The following PPP1R3A variants were observed in gnomAD, a reference collection of about 807,000 sequenced individuals.
The protein encoded by PPP1R3A is protein phosphatase 1 regulatory subunit 3A.
PPP1R3A carries 29 observed loss-of-function variants against 41.7 expected under a neutral mutation model. That is an observed-to-expected ratio of 0.70 (90% CI 0.52 to 0.95). The LOEUF (loss-of-function observed/expected upper bound fraction) is 0.95. Among genes scored for constraint, PPP1R3A ranks in the 40% least tolerant of loss-of-function variants. PPP1R3A has a pLI of 0.00. For synonymous variants in PPP1R3A, 485 were observed against 453.4 expected, an observed-to-expected ratio of 1.07 and a Z score of -0.89; for missense variants, 1,352 against 1,292.4, an observed-to-expected ratio of 1.05 and a Z score of -0.71.
intron 1 of PPP1R3A, among the ~76,000 whole-genome samples, chr7:113,891,442 T>G (rs1796887103): frequency 6.6e-6 from 1 of 152,088 alleles, no homozygotes; most frequent in African/African-American, 2.4e-5. Context: ...ATCTTTAATA[T>G]TCAAGGTACT....
intron 1 of PPP1R3A, among the ~76,000 whole-genome samples, chr7:113,900,825 A>G (rs575218397): frequency 3.3e-4 from 50 of 149,934 alleles, no homozygotes; most frequent in African/African-American, 1.2e-3. Context: ...ATTTTATAAA[A>G]AATATTTCTT....
chr7:113,882,796 T>A (rs950220621), intron 1 of PPP1R3A, among the ~76,000 whole-genome samples: 1 of 152,012 alleles, frequency 6.6e-6, no homozygotes, highest in Admixed American at 6.6e-5. Context: ...TTCTTCCAGT[T>A]GGACTAACAT....
intron 1 of PPP1R3A, among the ~76,000 whole-genome samples, chr7:113,892,250 G>A (rs1584411868): frequency 6.6e-6 from 1 of 152,096 alleles, no homozygotes; most frequent in Non-Finnish European, 1.5e-5. Context: ...AGAAATATGA[G>A]CCTCCTTTGA....
intron 1 of PPP1R3A, among the ~76,000 whole-genome samples, chr7:113,888,211 G>C (rs977240460): frequency 3.3e-5 from 5 of 152,086 alleles, no homozygotes; most frequent in African/African-American, 9.7e-5. Context: ...TTTTTAACCA[G>C]TGGCATGGGG....
In PPP1R3A at chr7:113,879,137, T is replaced by G; in HGVS notation, c.1955A>C (p.His652Pro). ...TTCCAGAACATTCCAACTTTGTTTATGCTGTGGGCTATTATCCTGATCTTC... is the reference window on the plus strand; with the variant it reads ...TTCCAGAACATTCCAACTTTGTTTAGGCTGTGGGCTATTATCCTGATCTTC... ...NSEDQDNSPQHKQSWNVLESQ... is the reference protein window; with the variant it reads ...NSEDQDNSPQPKQSWNVLESQ... The change falls in exon 4 of 4, where the codon CAT (histidine) becomes CCT (proline). Residue 652 changes from histidine to proline, a missense_variant. Physicochemically the swap from His to Pro is moderately conservative, Grantham distance 77. Transcript: ENST00000284601. 1.2e-6 allele frequency: 2 copies of G among 1,613,814 alleles called. No individual in the cohort carries two copies. The highest frequency in any genetic ancestry group is 2.2e-5 in the South Asian group (2 of 91,080).
In PPP1R3A at chr7:113,877,693, A is replaced by G; in HGVS notation, c.*30T>C. ...CCAAATGTTTGGGGTTAAATAGCTT[A>G]TCTTTTAAGAGAGAATAGTAGTGCT... On this transcript the variant is annotated 3_prime_UTR_variant, in exon 4 of 4. Transcript: ENST00000284601. 6.6e-7 allele frequency: 1 copy of G among 1,516,510 alleles called. No homozygotes were observed. Among genetic ancestry groups the G allele is most frequent in the Non-Finnish European group, 8.8e-7 (1 of 1,134,560 alleles). 93.9% of individuals were successfully genotyped at this position (1,516,510 alleles called of 1,614,324 possible).
chr7:113,887,051 C>T (rs1162249816), intron 1 of PPP1R3A, among the ~76,000 whole-genome samples: 1 of 152,080 alleles, frequency 6.6e-6, no homozygotes, highest in Non-Finnish European at 1.5e-5. Flanking sequence ...CTTCTCCTCT[C>T]TACCTTTTGC....
chr7:113,915,370 A>T (rs1489647681), intron 1 of PPP1R3A, among the ~76,000 whole-genome samples: 2 of 152,034 alleles, frequency 1.3e-5, no homozygotes, highest in African/African-American at 4.8e-5. Flanking sequence ...TTCAGAAGAT[A>T]CAATCTCAGG....
intron 1 of PPP1R3A, among the ~76,000 whole-genome samples, chr7:113,914,875 G>A (rs556938526): frequency 6.6e-6 from 1 of 152,160 alleles, no homozygotes; most frequent in East Asian, 1.9e-4. Context: ...TAACTTTGAA[G>A]CCTAAAATCC....
intron 1 of PPP1R3A, among the ~76,000 whole-genome samples, chr7:113,886,472 T>A (rs1182759899): frequency 3.3e-5 from 5 of 152,176 alleles, no homozygotes; most frequent in Non-Finnish European, 5.9e-5. Flanking sequence ...TCACCAGCCA[T>A]GTGGAACTGT....
At chr7:113,894,917 A>G (rs774057035) in intron 1 of PPP1R3A, among the ~76,000 whole-genome samples, 1 of 151,984 alleles carries the variant, frequency 6.6e-6, no homozygotes, top group South Asian at 2.1e-4. Flanking sequence ...TTCTCAGTAT[A>G]TGTTTGGAAG....
At chr7:113,882,956 T>C (rs1796719399) in intron 1 of PPP1R3A, among the ~76,000 whole-genome samples, 1 of 152,070 alleles carries the variant, frequency 6.6e-6, no homozygotes, top group Admixed American at 6.6e-5. Context: ...AGCAAGACTT[T>C]GGATCATTTA....
chr7:113,877,581 C>T lies in PPP1R3A; in HGVS notation c.*142G>A. 1 of 949,208 alleles carries T rather than the reference C, an allele frequency of 1.1e-6. No individual in the cohort carries two copies. The highest frequency in any genetic ancestry group is 1.5e-6 in the Non-Finnish European group (1 of 645,404). The allele number at this position is 949,208 out of a possible 1,614,324, so 58.8% of individuals were successfully genotyped here. On this transcript the variant is annotated 3_prime_UTR_variant, in exon 4 of 4. Coordinates refer to ENST00000284601, the MANE Select transcript of PPP1R3A (RefSeq NM_002711.4). ...TAGAATAATTACTTATATGAAGGAGCAAACTTATTCGCGTCCCTTTTTAAA... is the reference window on the plus strand; with the variant it reads ...TAGAATAATTACTTATATGAAGGAGTAAACTTATTCGCGTCCCTTTTTAAA...
At chr7:113,911,638 G>T (rs1475895855) in intron 1 of PPP1R3A, among the ~76,000 whole-genome samples, 1 of 151,932 alleles carries the variant, frequency 6.6e-6, no homozygotes, top group South Asian at 2.1e-4. Context: ...CTTTTTTTGT[G>T]TGTGACCCAG....
At chr7:113,886,980 A>G (rs1796794954) in intron 1 of PPP1R3A, among the ~76,000 whole-genome samples, 1 of 152,140 alleles carries the variant, frequency 6.6e-6, no homozygotes, top group African/African-American at 2.4e-5. Context: ...TGCCTGACAT[A>G]TAATAGTGGC....
chr7:113,914,963 T>C (rs1479563928), intron 1 of PPP1R3A, among the ~76,000 whole-genome samples: 1 of 152,116 alleles, frequency 6.6e-6, no homozygotes, highest in Non-Finnish European at 1.5e-5. Flanking sequence ...TATATCAATG[T>C]CATTTTTGTC....
chr7:113,904,739 C>A lies in PPP1R3A; in HGVS notation c.782+13476G>T, dbSNP rs540752293. The stretch of plus-strand genomic sequence containing the variant: ...GTCAGCAAAATTATACAAAGGGTTT[C>A]AAAAATTTATTTCTTCAGGAGTCAC... On this transcript the variant is annotated intron_variant, in intron 1 of 3. Coordinates refer to ENST00000284601, the MANE Select transcript of PPP1R3A (RefSeq NM_002711.4). 2.8e-4 allele frequency among the ~76,000 whole-genome samples: 43 copies of A among 151,516 alleles called. No individual in the cohort carries two copies. In the East Asian group the frequency reaches 8.0e-3, roughly 28 times the overall value.
At position 113,878,202 on chromosome 7, in the gene PPP1R3A, C is replaced by T. The variant is rs1016207297; in HGVS notation, c.2890G>A (p.Glu964Lys). 1 of 1,613,288 alleles carries T rather than the reference C, an allele frequency of 6.2e-7. No homozygotes were observed. Among genetic ancestry groups the T allele is most frequent in the Non-Finnish European group, 8.5e-7 (1 of 1,179,634 alleles). Reference protein sequence around the residue: ...CNSTREIQGIEKHPYPESKPE... With the variant: ...CNSTREIQGIKKHPYPESKPE... ...TTAGACTCAGGATAAGGGTGCTTCT[C>T]AATACCCTGGATTTCTCTTGTTGAA... is the stretch of plus-strand genomic sequence containing the variant. The change falls in exon 4 of 4, where the codon GAG becomes AAG. Residue 964 changes from glutamate to lysine, a missense_variant. By Grantham distance (56) the Glu-to-Lys change is moderately conservative. Coordinates refer to ENST00000284601, the MANE Select transcript of PPP1R3A (RefSeq NM_002711.4).
rs755140194 is a variant in PPP1R3A, at chr7:113,878,593, G to T, written c.2499C>A (p.Asp833Glu). The stretch of plus-strand genomic sequence containing the variant: ...TATTTCCAGTGCCACATTTCTCCCT[G>T]TCATGTGTCTTCCTAGGATTGTACA... ...MSMYNPRKTH[D>E]REKCGTGNIT... The change falls in exon 4 of 4, where the codon GAC (aspartate) becomes GAA (glutamate). Residue 833 changes from aspartate to glutamate, a missense_variant. Physicochemically the swap from Asp to Glu is conservative, Grantham distance 45. Transcript: ENST00000284601. The T allele has an allele frequency of 6.2e-7, 1 of 1,613,388 alleles. No individual in the cohort carries two copies. Among genetic ancestry groups the T allele is most frequent in the East Asian group, 2.2e-5 (1 of 44,832 alleles).
Sources: allele counts gnomAD v4.1 joint callset (sites outside exome capture counted in the v4.1 genomes callset), GRCh38; gene constraint gnomAD v4.1.1; transcripts MANE v1.5; gene names NCBI Gene and HGNC (gene_info 2026-07-23, HGNC 2026-07-21).